Variants in AFAP1 observed in about 807,000 individuals in gnomAD.
AFAP1 encodes the protein actin filament associated protein 1.
AFAP1 carries 75 observed loss-of-function variants against 93.9 expected under a neutral mutation model. The observed-to-expected ratio is 0.80, with a 90% confidence interval of 0.66 to 0.97. The LOEUF (loss-of-function observed/expected upper bound fraction) is 0.97. AFAP1 is among the 50% of genes least tolerant of loss of function. AFAP1 has a pLI of 0.00. For synonymous variants in AFAP1, 517 were observed against 430.7 expected, an observed-to-expected ratio of 1.20 and a Z score of -2.48; for missense variants, 1,201 against 1,050.8, an observed-to-expected ratio of 1.14 and a Z score of -1.98.
At position 7,769,841 on chromosome 4, in the gene AFAP1, G is replaced by T. The variant is rs1354065813; in HGVS notation, c.2254-833C>A. Among the ~76,000 whole-genome samples the T allele has an allele frequency of 5.9e-5, 9 of 152,356 alleles. No homozygotes were observed. The East Asian group carries it at 1.7e-3, about 29-fold the overall frequency. On this transcript the variant is annotated intron_variant, in intron 16 of 17. Coordinates refer to ENST00000420658, the MANE Select transcript of AFAP1 (RefSeq NM_001134647.2). ...TCGGGGTCCCCTGTGGGCTTTACTG[G>T]CCACAATCCCCAGGCAGCCAACTTG...
chr4:7,832,347 T>C (rs1221439139), intron 6 of AFAP1, among the ~76,000 whole-genome samples: 1 of 151,100 alleles, frequency 6.6e-6, no homozygotes, highest in African/African-American at 2.4e-5. Flanking sequence ...AAAAAAAGCA[T>C]CTGTGTGTCC....
chr4:7,838,466 T>C (rs997047122), intron 6 of AFAP1, 58 bp downstream of exon 6: 1 of 1,528,726 alleles, frequency 6.5e-7, no homozygotes, highest in Admixed American at 2.2e-5. Context: ...AAAATTAAAA[T>C]GGATCTCAGA....
rs1360135999 is a variant in AFAP1 at position 7,819,122 on chromosome 4, C to T, written c.776G>A (p.Cys259Tyr). Reference protein sequence around the residue: ...SGCSGPVDSECPPPPSSPVHK... With the variant: ...SGCSGPVDSEYPPPPSSPVHK... ...CACCGGGGAGCTTGGTGGAGGAGGA[C>T]ACTCTGAATCCACGGGGCCACTACA... Residue 259 changes from cysteine (C) to tyrosine (Y), a missense_variant, in exon 7 of 18, where the codon TGT (cysteine) becomes TAT (tyrosine). Physicochemically the swap from Cys to Tyr is radical, Grantham distance 194. Coordinates refer to ENST00000420658, the MANE Select transcript of AFAP1 (RefSeq NM_001134647.2). The T allele has an allele frequency of 1.2e-6, 2 of 1,613,830 alleles. No individual in the cohort carries two copies. Among genetic ancestry groups the T allele is most frequent in the Middle Eastern group, 1.7e-4 (1 of 6,058 alleles).
chr4:7,818,879 C>A (rs1452654303), intron 7 of AFAP1, among the ~76,000 whole-genome samples, 197 bp downstream of exon 7: 3 of 152,226 alleles, frequency 2.0e-5, no homozygotes, highest in South Asian at 2.1e-4. Context: ...GGAGTAACAA[C>A]ACTAACTACA....
chr4:7,812,081 G>A (rs956611358), intron 8 of AFAP1, among the ~76,000 whole-genome samples: 2 of 152,016 alleles, frequency 1.3e-5, no homozygotes, highest in Admixed American at 1.3e-4. Flanking sequence ...TAGGACAGCT[G>A]TATCACTTCA....
intron 10 of AFAP1, chr4:7,798,915 C>T (rs1162470651): frequency 7.1e-6 from 7 of 987,110 alleles, no homozygotes; most frequent in East Asian, 2.3e-4. Flanking sequence ...CCAATTCATG[C>T]CTCCTTCTCC....
At chr4:7,780,122 G>T (rs10025396) in intron 13 of AFAP1, among the ~76,000 whole-genome samples, 1 of 152,030 alleles carries the variant, frequency 6.6e-6, no homozygotes, top group African/African-American at 2.4e-5. Flanking sequence ...AGAAACTTTC[G>T]CTTAGTGAGT....
intron 1 of AFAP1, among the ~76,000 whole-genome samples, chr4:7,914,477 A>G (rs1719953344): frequency 6.6e-6 from 1 of 152,150 alleles, no homozygotes; most frequent in Non-Finnish European, 1.5e-5. Flanking sequence ...ACAGGACTTC[A>G]TCCTGTGTTA....
intron 1 of AFAP1, among the ~76,000 whole-genome samples, chr4:7,901,401 T>A (rs1719110041): frequency 6.6e-6 from 1 of 152,322 alleles, no homozygotes; most frequent in Admixed American, 6.5e-5. Flanking sequence ...GACGCCTCCA[T>A]CACCAGCATG....
In AFAP1 at chr4:7,939,406, A is replaced by T; in HGVS notation, c.-3+250T>A. 3.2e-6 allele frequency: 1 copy of T among 316,218 alleles called. No homozygotes were observed. The highest frequency in any genetic ancestry group is 2.3e-5 in the South Asian group (1 of 42,922). The allele number at this position is 316,218 out of a possible 1,614,324, so 19.6% of individuals were successfully genotyped here. The stretch of plus-strand genomic sequence containing the variant: ...CAGGAGCCAGCGCCCGGGTCCACGC[A>T]GTCCCCTCCGGGCAGACGCGGGGAG... On this transcript the variant is annotated intron_variant, in intron 1 of 17. Transcript: ENST00000420658. This position sits in a 1 kb window ranked among gnomAD's most constrained non-coding sequence, Gnocchi z 5.6.
chr4:7,830,598 TTTATTA>T lies in AFAP1; in HGVS notation c.726+7920_726+7925del, dbSNP rs10670912. On this transcript the variant is annotated intron_variant, in intron 6 of 17. Coordinates refer to ENST00000420658, the MANE Select transcript of AFAP1 (RefSeq NM_001134647.2). ...TTATATACACATATAAGTGAAAGGT[TTTATTA>T]TTATTATTATTATTTATCTTTAGAG... 4.6e-5 allele frequency among the ~76,000 whole-genome samples: 7 copies of T among 151,402 alleles called. No homozygotes were observed. In the East Asian group the frequency reaches 9.7e-4, roughly 21 times the overall value.
At chr4:7,862,251 T>G (rs59283470) in intron 3 of AFAP1, 104,520 of 152,086 alleles carry the variant, frequency 0.69, 36,160 homozygotes, top group Non-Finnish European at 0.74. Flanking sequence ...GAGGATCACT[T>G]GAGCCTGGGA....
chr4:7,822,651 C>T (rs1302145733), intron 6 of AFAP1, among the ~76,000 whole-genome samples: 1 of 146,062 alleles, frequency 6.8e-6, no homozygotes, highest in Non-Finnish European at 1.5e-5. Context: ...GTGGCACGAT[C>T]TCGGCTCACT....
intron 1 of AFAP1, among the ~76,000 whole-genome samples, chr4:7,879,382 T>C (rs902729667): frequency 3.3e-5 from 5 of 151,886 alleles, no homozygotes; most frequent in African/African-American, 9.7e-5. Flanking sequence ...ACAAGAGCCA[T>C]ATCTACACGT....
At chr4:7,929,290 CTT>C (rs1720934792) in intron 1 of AFAP1, among the ~76,000 whole-genome samples, 1 of 152,192 alleles carries the variant, frequency 6.6e-6, no homozygotes, top group Non-Finnish European at 1.5e-5. Context: ...CACACAGGCT[CTT>C]CTTTTATGGC....
At chr4:7,893,580 CAAA>C (rs11331784) in intron 1 of AFAP1, among the ~76,000 whole-genome samples, 61 of 106,236 alleles carry the variant, frequency 5.7e-4, no homozygotes, top group South Asian at 1.5e-3. Flanking sequence ...GACTCTGTCT[CAAA>C]AAAAAAAAAA....
At chr4:7,924,998 A>G (rs1302515921) in intron 1 of AFAP1, among the ~76,000 whole-genome samples, 1 of 151,880 alleles carries the variant, frequency 6.6e-6, no homozygotes, top group Non-Finnish European at 1.5e-5. Flanking sequence ...AACAGCCTCC[A>G]CCGGGAGCCG....
At chr4:7,819,300 T>C in intron 6 of AFAP1, 129 bp from the exon 7 acceptor site, 1 of 742,866 alleles carries the variant, frequency 1.3e-6, no homozygotes, top group Non-Finnish European at 2.0e-6. Context: ...CACCTGGCTC[T>C]GAGTTCCAGC....
intron 5 of AFAP1, among the ~76,000 whole-genome samples, chr4:7,839,959 G>A (rs1370772778): frequency 6.6e-6 from 1 of 152,116 alleles, no homozygotes; most frequent in African/African-American, 2.4e-5. Flanking sequence ...TAAGTTATTA[G>A]CAACAATAAC....
Sources: gnomAD v4.1 joint callset for allele counts (sites outside exome capture counted in the v4.1 genomes callset) on GRCh38, gnomAD v4.1.1 for gene constraint, Gnocchi (gnomAD v3.1) non-coding constraint, MANE v1.5 for transcripts, NCBI Gene and HGNC (gene_info 2026-07-23, HGNC 2026-07-21) for gene names.